The following OPRM1 variants were observed in gnomAD, a reference collection of about 807,000 sequenced individuals.
OPRM1 encodes opioid receptor mu 1, also known as mu-type opioid receptor.
A neutral mutation model predicts 31.8 loss-of-function variants in OPRM1; 27 were observed. The ratio of observed to expected loss-of-function variants is 0.85; its 90% confidence interval spans 0.63 to 1.17. OPRM1 has a LOEUF of 1.17. OPRM1 is among the 50% of genes most tolerant of loss of function. OPRM1 has a pLI of 0.00. For missense variants in OPRM1, 536 were observed against 511.1 expected (o/e 1.05, Z -0.47); for synonymous variants, 196 against 189.9 (o/e 1.03, Z -0.26).
At chr6:154,093,359 A>G (rs1792730246) in intron 3 of OPRM1, 2 of 1,614,016 alleles carry the variant, frequency 1.2e-6, no homozygotes, top group Admixed American at 1.7e-5. Context: ...CTCTTGTCAG[A>G]TATGACCTCC....
Position 154,143,816 on chromosome 6 carries a change from C to CCA in OPRM1, c.1164+52361_1164+52362dup, listed in dbSNP as rs769646327. 7.9e-3 allele frequency among the ~76,000 whole-genome samples: 1,182 copies of CCA among 150,558 alleles called. 5 individuals carry two copies. The highest frequency in any genetic ancestry group is 0.011 in the Non-Finnish European group (730 of 67,498). ...TTTTCCTTACTTCTACTACAAAATA[C>CCA]CACACACACACACACACAAATTGAA... is the stretch of plus-strand genomic sequence containing the variant. On this transcript the variant is annotated intron_variant, in intron 3 of 3. Transcript: ENST00000337049.
chr6:154,137,248 G>A (rs568534683), downstream of OPRM1, among the ~76,000 whole-genome samples: 4 of 152,228 alleles, frequency 2.6e-5, no homozygotes, highest in African/African-American at 7.2e-5. Flanking sequence ...AGAAAAGTGG[G>A]CTTATGGTAA....
rs779654564 is a variant in OPRM1, at chr6:154,085,888, C to CTTTTTTTTT, written c.291-3929_291-3921dup. On this transcript the variant is annotated intron_variant, in intron 1 of 3. Coordinates refer to ENST00000330432, the MANE Select transcript of OPRM1 (RefSeq NM_000914.5). ...CATCAGAACAGAATGAAAGCTTGCC[C>CTTTTTTTTT]TTTTTTTTTTTTTTTTTGAGACAGT... Among the ~76,000 whole-genome samples, 570 of 123,886 alleles carry CTTTTTTTTT rather than the reference C, an allele frequency of 4.6e-3. 44 individuals are homozygous for CTTTTTTTTT. Among genetic ancestry groups the CTTTTTTTTT allele is most frequent in the African/African-American group, 0.016 (492 of 30,348 alleles). The allele number at this position is 123,886 out of a possible 152,430, so 81.3% of individuals were successfully genotyped here.
chr6:154,061,127 T>G (rs746051188), intron 1 of OPRM1, among the ~76,000 whole-genome samples: 1 of 152,168 alleles, frequency 6.6e-6, no homozygotes, highest in African/African-American at 2.4e-5. Context: ...TCTGGAAAAC[T>G]TTGGGGCCCA....
chr6:154,118,223 T>A (rs951611004), intron 3 of OPRM1, among the ~76,000 whole-genome samples: 2 of 152,164 alleles, frequency 1.3e-5, no homozygotes, highest in Admixed American at 6.5e-5. Context: ...AAAAAAATCA[T>A]TAATTTTGAG....
chr6:154,093,305 AG>A lies in OPRM1; in HGVS notation c.1164+1834del, dbSNP rs781657910. ...TACCTTCCCTGTCTTGCTGGGCTCTAGAGCAAGGCTGCTTGGTTGTGTACCC... is the reference window on the plus strand; with the variant it reads ...TACCTTCCCTGTCTTGCTGGGCTCTAAGCAAGGCTGCTTGGTTGTGTACCC... On this transcript the variant is annotated intron_variant, in intron 3 of 3. Transcript: ENST00000330432. 7.4e-5 allele frequency: 120 copies of A among 1,613,656 alleles called. 1 individual carries two copies. In the South Asian group the frequency reaches 1.3e-3, roughly 17 times the overall value.
At chr6:154,033,993 G>A (rs59661812) in intron 1 of OPRM1, among the ~76,000 whole-genome samples, 4,398 of 152,216 alleles carry the variant, frequency 0.029, 199 homozygotes, top group African/African-American at 0.1. Flanking sequence ...CTTCACAGAC[G>A]TGCACTCACA....
intron 1 of OPRM1, among the ~76,000 whole-genome samples, chr6:154,083,995 T>C (rs1458709160): frequency 7.2e-6 from 1 of 139,338 alleles, no homozygotes; most frequent in Non-Finnish European, 1.5e-5. Context: ...TTCATCCCAC[T>C]CTGGTGACAC....
At chr6:154,133,951 T>C (rs1156710603), downstream of OPRM1, among the ~76,000 whole-genome samples, 1 of 152,240 alleles carries the variant, frequency 6.6e-6, no homozygotes, top group Non-Finnish European at 1.5e-5. Context: ...AAATGGCCTA[T>C]GGTTTGGTTG....
At chr6:154,059,581 A>G (rs1300199493) in intron 1 of OPRM1, among the ~76,000 whole-genome samples, 3 of 147,340 alleles carry the variant, frequency 2.0e-5, no homozygotes, top group Non-Finnish European at 4.6e-5. Context: ...CCTTTTTTAC[A>G]CTTAAAAAAA....
chr6:154,178,291 T>TA lies in OPRM1; in HGVS notation c.1165-68394dup, dbSNP rs571288623. Among the ~76,000 whole-genome samples, 42 of 151,802 alleles carry TA rather than the reference T, an allele frequency of 2.8e-4. 1 individual carries two copies. The South Asian group carries it at 8.5e-3, about 31-fold the overall frequency. On this transcript the variant is annotated intron_variant, in intron 3 of 3. Transcript: ENST00000337049. ...TATCCTAGAACTTAAAGTATAATAA[T>TA]AAAAAAAATTATATTAAAATTACAT...
At chr6:154,026,069 A>G (rs897498874) in intron 1 of OPRM1, among the ~76,000 whole-genome samples, 3 of 152,072 alleles carry the variant, frequency 2.0e-5, no homozygotes, top group African/African-American at 7.2e-5. Context: ...TTTGTTCATT[A>G]ATGTCCTTTT....
At chr6:154,099,691 TG>T (rs1363179885) in intron 3 of OPRM1, among the ~76,000 whole-genome samples, 1 of 53,764 alleles carries the variant, frequency 1.9e-5, no homozygotes, top group African/African-American at 8.2e-5. Flanking sequence ...ATATATGATG[TG>T]GGTAGGGGAG....
intron 3 of OPRM1, among the ~76,000 whole-genome samples, chr6:154,180,414 A>ATATATATATATATATTTT (rs1241250621): frequency 1.5e-5 from 1 of 65,270 alleles, no homozygotes; most frequent in African/African-American, 4.8e-5. Flanking sequence ...ATATATATAT[A>ATATATATATATATATTTT]TTTTTTTTTT....
rs543962691 is a variant in OPRM1 at position 154,048,469 on chromosome 6, C to T, written c.290+8635C>T. Among the ~76,000 whole-genome samples the T allele has an allele frequency of 5.8e-4, 88 of 152,238 alleles. 1 individual carries two copies. The highest frequency in any genetic ancestry group is 1.9e-3 in the African/African-American group (79 of 41,554). On this transcript the variant is annotated intron_variant, in intron 1 of 3. Transcript: ENST00000330432. ...CTACCATTGTTAAAAAAAAATTATG[C>T]ATTTTCTCATGGCCTTATAAAATGT...
At chr6:154,077,556 C>T (rs912206494) in intron 1 of OPRM1, among the ~76,000 whole-genome samples, 2 of 151,512 alleles carry the variant, frequency 1.3e-5, no homozygotes, top group Admixed American at 1.3e-4. Context: ...CATGCTGAAA[C>T]CCCATCTCTA....
intron 3 of OPRM1, among the ~76,000 whole-genome samples, chr6:154,200,486 C>T (rs866500638): frequency 3.6e-4 from 55 of 152,224 alleles, no homozygotes; most frequent in Middle Eastern, 3.4e-3. Flanking sequence ...TTTGGAAGAC[C>T]GAGACAGGCA....
rs967529907 is a variant in OPRM1 at position 154,018,568 on chromosome 6, A to T, written c.-1+7550A>T. On this transcript the variant is annotated intron_variant, in intron 1 of 5. Coordinates refer to the OPRM1 transcript ENST00000434900. ...AAAATGTGGGAGACCAAAACCAATTATAGTCCTAGTAAATAATAAAAACAG... is the reference window on the plus strand; with the variant it reads ...AAAATGTGGGAGACCAAAACCAATTTTAGTCCTAGTAAATAATAAAAACAG... Among the ~76,000 whole-genome samples the T allele has an allele frequency of 1.3e-4, 19 of 148,412 alleles. 1 individual carries two copies. Among genetic ancestry groups the T allele is most frequent in the Admixed American group, 1.1e-3 (16 of 14,812 alleles).
At chr6:154,023,357 A>G (rs1778499209) in intron 1 of OPRM1, among the ~76,000 whole-genome samples, 1 of 152,000 alleles carries the variant, frequency 6.6e-6, no homozygotes, top group African/African-American at 2.4e-5. Flanking sequence ...CAGATTGTTT[A>G]CTTTTGACAT....
Sources: gnomAD v4.1 joint callset for allele counts (sites outside exome capture counted in the v4.1 genomes callset) on GRCh38, gnomAD v4.1.1 for gene constraint, MANE v1.5 for transcripts, NCBI Gene and HGNC (gene_info 2026-07-23, HGNC 2026-07-21) for gene names.